The following ANOS1 variants were observed in gnomAD, a reference collection of about 807,000 sequenced individuals.
ANOS1 encodes the protein anosmin-1.
Under a neutral mutation model 59.0 loss-of-function variants are expected in ANOS1, and 6 were observed. The observed-to-expected ratio is 0.10, with a 90% CI of 0.06 to 0.20. The LOEUF (loss-of-function observed/expected upper bound fraction) is 0.20, where lower values mean the gene tolerates loss of function less well. Ranked by LOEUF, ANOS1 falls within the 10% of genes least tolerant of loss-of-function variation. ANOS1 has a pLI of 1.00. For synonymous variants in ANOS1, 217 were observed against 223.4 expected, an observed-to-expected ratio of 0.97 and a Z score of 0.25; for missense variants, 433 against 542.3, an observed-to-expected ratio of 0.80 and a Z score of 2.00.
At chrX:8,677,177 G>A (rs928567227) in intron 2 of ANOS1, among the ~76,000 whole-genome samples, 1 of 111,263 alleles carries the variant, frequency 9.0e-6, no homozygotes, top group Non-Finnish European at 1.9e-5. Flanking sequence ...GGTTCCTTGC[G>A]ATGGTGGCTG....
At chrX:8,586,388 A>G (rs1166679580) in intron 5 of ANOS1, among the ~76,000 whole-genome samples, 1 of 112,570 alleles carries the variant, frequency 8.9e-6, no homozygotes, top group Non-Finnish European at 1.9e-5. Flanking sequence ...CTGATTTGGC[A>G]GACTTTGAGA....
intron 2 of ANOS1, among the ~76,000 whole-genome samples, chrX:8,690,546 G>C (rs142147333): frequency 1.2e-3 from 139 of 111,818 alleles, no homozygotes; most frequent in African/African-American, 4.3e-3. Context: ...ATGTATGTCT[G>C]AGTTTTCATT....
intron 1 of ANOS1, among the ~76,000 whole-genome samples, chrX:8,710,088 G>A (rs1193653145): frequency 9.0e-6 from 1 of 110,751 alleles, no homozygotes; most frequent in Non-Finnish European, 1.9e-5. Flanking sequence ...CCGCCACCAC[G>A]CCTGGCTAAT....
At chrX:8,597,376 A>C (rs2146827409) in intron 3 of ANOS1, 120 bp from the exon 4 acceptor site, 1 of 592,781 alleles carries the variant, frequency 1.7e-6, no homozygotes, top group South Asian at 2.6e-5. Flanking sequence ...AATATTTGAC[A>C]AAATGCATGT....
intron 1 of ANOS1, 149 bp downstream of exon 1, chrX:8,731,681 G>C: frequency 2.9e-6 from 3 of 1,020,576 alleles, no homozygotes; most frequent in Non-Finnish European, 3.8e-6. Context: ...CCAGCACCCC[G>C]ACTGTAAGAT....
At chrX:8,700,344 G>A in intron 1 of ANOS1, among the ~76,000 whole-genome samples, 1 of 110,855 alleles carries the variant, frequency 9.0e-6, no homozygotes, top group East Asian at 2.8e-4. Flanking sequence ...TCTTACCATG[G>A]CAGAGCAGGA....
At chrX:8,685,744 G>T (rs182394115) in intron 2 of ANOS1, among the ~76,000 whole-genome samples, 1 of 111,492 alleles carries the variant, frequency 9.0e-6, no homozygotes, top group African/African-American at 3.3e-5. Flanking sequence ...GAGTGCACGA[G>T]CAAGATTTAC....
chrX:8,700,012 C>T (rs1338642820), intron 1 of ANOS1, among the ~76,000 whole-genome samples: 1 of 111,804 alleles, frequency 8.9e-6, no homozygotes, highest in Non-Finnish European at 1.9e-5. Flanking sequence ...TCTGAGGCAA[C>T]TTTGATGGTG....
At chrX:8,577,991 T>C (rs1311043905) in intron 6 of ANOS1, among the ~76,000 whole-genome samples, 1 of 111,875 alleles carries the variant, frequency 8.9e-6, no homozygotes, top group Non-Finnish European at 1.9e-5. Flanking sequence ...AGAGCAACGA[T>C]TATAGATCAT....
chrX:8,536,911 A>G lies in ANOS1; in HGVS notation c.1481T>C (p.Phe494Ser), dbSNP rs1389483064. Residue 494 changes from phenylalanine (F) to serine (S), a missense_variant, in exon 11 of 14, where the codon TTT (phenylalanine) becomes TCT (serine). Physicochemically the swap from Phe to Ser is radical, Grantham distance 155. Coordinates refer to ENST00000262648, the MANE Select transcript of ANOS1 (RefSeq NM_000216.4). ...ENYIILQDLS[F>S]SCKYKVTVQP... ...GACAGTCACCTTATACTTGCAGGAA[A>G]ATGACAGATCTTGAAGAATTATGTA... The G allele has an allele frequency of 2.5e-6, 3 of 1,207,046 alleles. No homozygotes were observed. The highest frequency in any genetic ancestry group is 3.4e-6 in the Non-Finnish European group (3 of 892,739).
Position 8,597,065 on chromosome X carries a change from G to C in ANOS1, c.510C>G (p.His170Gln), listed in dbSNP as rs780833023. The C allele has an allele frequency of 1.7e-6, 2 of 1,211,746 alleles. No individual in the cohort carries two copies. Among genetic ancestry groups the C allele is most frequent in the Non-Finnish European group, 2.2e-6 (2 of 895,542 alleles). The change falls in exon 4 of 14, where the codon CAC becomes CAG. Residue 170 changes from histidine (H) to glutamine (Q), a missense_variant. His to Gln is a conservative substitution (Grantham distance 24, BLOSUM62 0). Coordinates refer to ENST00000262648, the MANE Select transcript of ANOS1 (RefSeq NM_000216.4). Reference protein sequence around the residue: ...VKKCCSNGCGHTCQVPKTLYK... With the variant: ...VKKCCSNGCGQTCQVPKTLYK... ...ACAGAGTCTTGGGTACTTGACAGGT[G>C]TGTCCACACCCATTCGAACAACATT...
chrX:8,587,622 A>G (rs2146819066), intron 5 of ANOS1, among the ~76,000 whole-genome samples, 172 bp downstream of exon 5: 1 of 111,913 alleles, frequency 8.9e-6, no homozygotes, highest in South Asian at 3.7e-4. Flanking sequence ...ATTCGTTTGT[A>G]TCTATGAACC....
At chrX:8,571,565 G>T (rs1051288977) in intron 6 of ANOS1, among the ~76,000 whole-genome samples, 1 of 111,934 alleles carries the variant, frequency 8.9e-6, no homozygotes, top group Non-Finnish European at 1.9e-5. Flanking sequence ...ATGACTTATG[G>T]ATAGCATTCA....
intron 9 of ANOS1, among the ~76,000 whole-genome samples, chrX:8,550,667 A>G (rs1479900874): frequency 9.0e-6 from 1 of 110,977 alleles, no homozygotes; most frequent in Non-Finnish European, 1.9e-5. Context: ...AAGTCCAAAA[A>G]TTAACTTGCA....
chrX:8,667,374 T>C (rs933606908), intron 2 of ANOS1, among the ~76,000 whole-genome samples: 1 of 110,758 alleles, frequency 9.0e-6, no homozygotes, highest in African/African-American at 3.3e-5. Context: ...TTGGCCAGCA[T>C]GGACTCAAAC....
intron 2 of ANOS1, 69 bp downstream of exon 2, chrX:8,699,629 A>T: frequency 1.2e-6 from 1 of 841,281 alleles, no homozygotes; most frequent in Non-Finnish European, 1.7e-6. Context: ...TTTGCAACTT[A>T]CTGTGAATCT....
intron 8 of ANOS1, among the ~76,000 whole-genome samples, chrX:8,559,024 G>C (rs1929990781): frequency 8.9e-6 from 1 of 112,252 alleles, no homozygotes; most frequent in African/African-American, 3.2e-5. Flanking sequence ...CTTCCCAAGA[G>C]CCAGGCATTG....
Position 8,614,080 on chromosome X carries a change from C to T in ANOS1, c.318+9528G>A, listed in dbSNP as rs1931116553. Among the ~76,000 whole-genome samples, 3 of 111,973 alleles carry T rather than the reference C, an allele frequency of 2.7e-5. 1 individual carries two copies. Among genetic ancestry groups the T allele is most frequent in the Non-Finnish European group, 5.6e-5 (3 of 53,202 alleles). On this transcript the variant is annotated intron_variant, in intron 3 of 13. Coordinates refer to ENST00000262648, the MANE Select transcript of ANOS1 (RefSeq NM_000216.4). ...GGCCAGTTCTGGATCATGCTGGACA[C>T]TGGAGTTGGCATCTTCAGATGCATG...
intron 3 of ANOS1, among the ~76,000 whole-genome samples, chrX:8,614,860 AAT>A (rs1292345778): frequency 1.2e-5 from 1 of 84,754 alleles, no homozygotes; most frequent in African/African-American, 4.3e-5. Context: ...TCCCCCGAGT[AAT>A]ATAAGAAAAA....
Sources: allele counts gnomAD v4.1 joint callset (sites outside exome capture counted in the v4.1 genomes callset), GRCh38; gene constraint gnomAD v4.1.1; transcripts MANE v1.5; gene names NCBI Gene and HGNC (gene_info 2026-07-23, HGNC 2026-07-21).